POU6F2: variants seen among roughly 807,000 people sequenced by gnomAD.
POU6F2 encodes the protein POU domain, class 6, transcription factor 2.
In POU6F2, 31 loss-of-function variants were observed where a neutral mutation model predicts 71.3. The ratio of observed to expected loss-of-function variants is 0.43; its 90% CI spans 0.33 to 0.59. The LOEUF is 0.59. POU6F2 is among the 20% of genes least tolerant of loss of function. The pLI is 0.04. For missense variants in POU6F2, 783 were observed against 856.8 expected, an observed-to-expected ratio of 0.91 and a Z score of 1.07; for synonymous variants, 347 against 355.7, an observed-to-expected ratio of 0.98 and a Z score of 0.27.
At chr7:39,333,809 A>T (rs1785707675) in intron 4 of POU6F2, among the ~76,000 whole-genome samples, 1 of 152,192 alleles carries the variant, frequency 6.6e-6, no homozygotes, top group African/African-American at 2.4e-5. Flanking sequence ...TCTGGTTGAA[A>T]GTCAAGGGAA....
intron 4 of POU6F2, among the ~76,000 whole-genome samples, chr7:39,230,252 G>A (rs1167703502): frequency 6.6e-6 from 1 of 152,156 alleles, no homozygotes; most frequent in Non-Finnish European, 1.5e-5. Flanking sequence ...GGCTGAGACA[G>A]GAGGATTCCT....
At chr7:39,353,225 T>A (rs1036796830) in intron 5 of POU6F2, among the ~76,000 whole-genome samples, 2 of 152,204 alleles carry the variant, frequency 1.3e-5, no homozygotes, top group Non-Finnish European at 2.9e-5. Flanking sequence ...ACTTTCATCT[T>A]CAAAGAACAG....
At chr7:39,382,285 A>T (rs751411150) in intron 5 of POU6F2, among the ~76,000 whole-genome samples, 3 of 152,194 alleles carry the variant, frequency 2.0e-5, no homozygotes, top group Non-Finnish European at 4.4e-5. Context: ...GAACAGAAAC[A>T]TACAACAGAG....
intron 4 of POU6F2, among the ~76,000 whole-genome samples, chr7:39,223,224 G>A (rs1344391057): frequency 6.6e-6 from 1 of 152,170 alleles, no homozygotes; most frequent in Non-Finnish European, 1.5e-5. Context: ...ATTCAAGTAT[G>A]ATATCAAATA....
intron 4 of POU6F2, among the ~76,000 whole-genome samples, chr7:39,339,431 G>C (rs1359065699): frequency 6.6e-6 from 1 of 152,128 alleles, no homozygotes; most frequent in East Asian, 1.9e-4. Context: ...TGTGTTATAT[G>C]CTGGTCCTCC....
intron 5 of POU6F2, among the ~76,000 whole-genome samples, chr7:39,346,261 T>A (rs751211125): frequency 5.9e-5 from 9 of 152,204 alleles, no homozygotes; most frequent in Non-Finnish European, 1.0e-4. Flanking sequence ...TTTGTCGTTG[T>A]CTAGATTTAC....
chr7:39,164,267 C>T (rs1183133341), intron 2 of POU6F2, among the ~76,000 whole-genome samples: 1 of 150,304 alleles, frequency 6.7e-6, no homozygotes, highest in South Asian at 2.1e-4. Flanking sequence ...GTTAAACCAT[C>T]GATTTTTTTT....
rs1784105450 is a variant in POU6F2, at chr7:39,260,186, CACCACACACACAAT to C, written c.598+52578_598+52591del. ...CCGCACACACTCCATACTGTGCTCACACCACACACACAATACCACACACACCACACACTATACAC... is the reference window on the plus strand; with the variant it reads ...CCGCACACACTCCATACTGTGCTCACACCACACACACCACACACTATACAC... On this transcript the variant is annotated intron_variant, in intron 4 of 9. Transcript: ENST00000518318. Among the ~76,000 whole-genome samples the C allele has an allele frequency of 1.3e-5, 2 of 149,882 alleles. 1 individual carries two copies. Among genetic ancestry groups the C allele is most frequent in the Admixed American group, 1.3e-4 (2 of 15,058 alleles).
chr7:39,285,094 G>A (rs1011695097), intron 4 of POU6F2, among the ~76,000 whole-genome samples: 6 of 152,186 alleles, frequency 3.9e-5, no homozygotes, highest in African/African-American at 1.4e-4. Flanking sequence ...TAGTGGCTTG[G>A]CCAGAAAGCG....
rs564137933 is a variant in POU6F2 at position 39,089,970 on chromosome 7, T to A, written c.277+3939T>A. 2.8e-5 allele frequency among the ~76,000 whole-genome samples: 4 copies of A among 141,554 alleles called. No homozygotes were observed. In the South Asian group the frequency reaches 6.9e-4, roughly 24 times the overall value. 92.9% of individuals were successfully genotyped at this position (141,554 alleles called of 152,430 possible). ...TCGGTGGCCGGCTTCTCAGTTGTAC[T>A]ACATTGTGCATGAATTGGGCACACA... On this transcript the variant is annotated intron_variant, in intron 2 of 9. Coordinates refer to ENST00000518318, the MANE Select transcript of POU6F2 (RefSeq NM_001370959.1).
At chr7:39,341,558 T>A (rs1785919021) in intron 5 of POU6F2, among the ~76,000 whole-genome samples, 1 of 152,196 alleles carries the variant, frequency 6.6e-6, no homozygotes, top group South Asian at 2.1e-4. Flanking sequence ...TTCCAAAAAA[T>A]TAATTTAATG....
At position 39,204,334 on chromosome 7, in the gene POU6F2, T is replaced by C. The variant is rs1210928501; in HGVS notation, c.369+8T>C. 1.2e-6 allele frequency: 2 copies of C among 1,605,738 alleles called. No individual in the cohort carries two copies. Among genetic ancestry groups the C allele is most frequent in the Non-Finnish European group, 1.7e-6 (2 of 1,172,654 alleles). ...TTTCCAGTTGGGCCACAGGTCAGTATCTCTCAACTGCTTTCCACTGGGCTG... is the reference window on the plus strand; with the variant it reads ...TTTCCAGTTGGGCCACAGGTCAGTACCTCTCAACTGCTTTCCACTGGGCTG... On this transcript the variant is annotated splice_region_variant and intron_variant, in intron 3 of 9. Transcript: ENST00000518318.
intron 1 of POU6F2, among the ~76,000 whole-genome samples, chr7:39,070,159 A>G (rs1034580100): frequency 3.9e-5 from 6 of 152,172 alleles, no homozygotes; most frequent in African/African-American, 1.4e-4. Flanking sequence ...GAGATGATTT[A>G]TTTGATTCTC....
intron 4 of POU6F2, among the ~76,000 whole-genome samples, chr7:39,301,959 A>AG (rs978916038): frequency 2.0e-5 from 3 of 152,162 alleles, no homozygotes; most frequent in African/African-American, 7.2e-5. Context: ...GAAAAAAAAA[A>AG]AGAATTCTTC....
intron 5 of POU6F2, among the ~76,000 whole-genome samples, chr7:39,374,429 G>A (rs919937171): frequency 7.2e-5 from 11 of 152,146 alleles, no homozygotes; most frequent in African/African-American, 1.7e-4. Context: ...CCAATCTACC[G>A]TGAGATACTG....
chr7:39,015,875 A>G (rs1374725608), intron 1 of POU6F2, among the ~76,000 whole-genome samples: 34 of 77,316 alleles, frequency 4.4e-4, no homozygotes, highest in Non-Finnish European at 5.5e-4. Context: ...TATTATATAT[A>G]GATATATATT....
chr7:39,433,156 A>G lies in POU6F2; in HGVS notation c.1193A>G (p.Gln398Arg). The change falls in exon 7 of 10, where the codon CAG becomes CGG. Residue 398 changes from glutamine (Q) to arginine (R), a missense_variant. Physicochemically the swap from Gln to Arg is conservative, Grantham distance 43. Coordinates refer to ENST00000518318, the MANE Select transcript of POU6F2 (RefSeq NM_001370959.1). ...AGCGGCACTCAGGGCTTGCAAGTGC[A>G]GCCAATCACCCCCCAGCTCCTCACA... ...AASGTQGLQV[Q>R]PITPQLLTNA... The G allele has an allele frequency of 1.2e-6, 2 of 1,613,904 alleles. No homozygotes were observed. Among genetic ancestry groups the G allele is most frequent in the Non-Finnish European group, 1.7e-6 (2 of 1,179,882 alleles).
intron 2 of POU6F2, among the ~76,000 whole-genome samples, chr7:39,092,539 G>A (rs907544577): frequency 6.6e-6 from 1 of 152,146 alleles, no homozygotes; most frequent in Admixed American, 6.6e-5. Flanking sequence ...CTCTGAATGA[G>A]CTTCTAAATC....
chr7:39,184,626 T>C (rs1014883386), intron 2 of POU6F2, among the ~76,000 whole-genome samples: 11 of 152,224 alleles, frequency 7.2e-5, no homozygotes, highest in Non-Finnish European at 1.5e-4. Flanking sequence ...TGAAGCTTAC[T>C]AAGCCCGTGG....
Sources: allele counts gnomAD v4.1 joint callset (sites outside exome capture counted in the v4.1 genomes callset), GRCh38; gene constraint gnomAD v4.1.1; transcripts MANE v1.5; gene names NCBI Gene and HGNC (gene_info 2026-07-23, HGNC 2026-07-21).